The following MDGA2 variants were observed in gnomAD, a reference collection of about 807,000 sequenced individuals.
The protein encoded by MDGA2 is MAM domain-containing glycosylphosphatidylinositol anchor protein 2.
Under a neutral mutation model 117.8 loss-of-function variants are expected in MDGA2, and 40 were observed. That is an observed-to-expected ratio of 0.34 (90% confidence interval 0.26 to 0.44). The LOEUF (loss-of-function observed/expected upper bound fraction) is 0.44, where lower values mean the gene tolerates loss of function less well. Among genes scored for constraint, MDGA2 ranks in the 20% least tolerant of loss-of-function variants. MDGA2 has a pLI of 1.00. For synonymous variants in MDGA2, 452 were observed against 439.0 expected (o/e 1.03, Z -0.37); for missense variants, 1,123 against 1,250.6 (o/e 0.90, Z 1.54).
At chr14:47,022,896 T>C (rs1310942246) in intron 8 of MDGA2, among the ~76,000 whole-genome samples, 3 of 152,246 alleles carry the variant, frequency 2.0e-5, no homozygotes, top group South Asian at 4.1e-4. Flanking sequence ...TCACAGGTGA[T>C]GAGTAGCCAT....
intron 6 of MDGA2, among the ~76,000 whole-genome samples, chr14:47,068,461 T>A (rs1890164086): frequency 6.6e-6 from 1 of 151,140 alleles, no homozygotes; most frequent in Non-Finnish European, 1.5e-5. Context: ...AATGTCTTTA[T>A]CGGTGTCATA....
Position 46,884,974 on chromosome 14 carries a change from G to A in MDGA2, c.2239-2753C>T, listed in dbSNP as rs1248363015. 6.6e-6 allele frequency among the ~76,000 whole-genome samples: 1 copy of A among 151,772 alleles called. No individual in the cohort carries two copies. Among genetic ancestry groups the A allele is most frequent in the African/African-American group, 2.4e-5 (1 of 41,298 alleles). On this transcript the variant is annotated intron_variant, in intron 10 of 16. Transcript: ENST00000399232. This position sits in a 1 kb window ranked among gnomAD's most constrained non-coding sequence, Gnocchi z 4.1. ...CAATTCTCCTGCCTCGGCCCCCTGA[G>A]TAAATGGAATTACAGGCATCCACAA...
At chr14:47,258,595 A>AAATG (rs1403619532) in intron 2 of MDGA2, among the ~76,000 whole-genome samples, 1 of 152,076 alleles carries the variant, frequency 6.6e-6, no homozygotes, top group African/African-American at 2.4e-5. Flanking sequence ...GGAAGTGGGA[A>AAATG]AATGTAGGTT....
At chr14:47,123,461 T>C (rs557654231) in intron 5 of MDGA2, among the ~76,000 whole-genome samples, 1 of 152,160 alleles carries the variant, frequency 6.6e-6, no homozygotes, top group Non-Finnish European at 1.5e-5. Context: ...ATTTCTGAAG[T>C]TACATTAGTG....
intron 1 of MDGA2, among the ~76,000 whole-genome samples, chr14:47,406,160 A>G (rs1419319842): frequency 1.3e-5 from 2 of 152,132 alleles, no homozygotes; most frequent in Non-Finnish European, 2.9e-5. Flanking sequence ...CTGCTGGTAG[A>G]CGTGCAAATT....
At chr14:47,053,318 A>C (rs1889523010) in intron 7 of MDGA2, among the ~76,000 whole-genome samples, 1 of 151,758 alleles carries the variant, frequency 6.6e-6, no homozygotes. Context: ...TCTATGTTTT[A>C]GTTCTGACCT....
At chr14:46,950,478 A>G (rs893911568) in intron 9 of MDGA2, among the ~76,000 whole-genome samples, 1 of 152,006 alleles carries the variant, frequency 6.6e-6, no homozygotes, top group Non-Finnish European at 1.5e-5. Flanking sequence ...CATAGAAGTG[A>G]TATCATTTTC....
At chr14:46,962,575 C>G (rs1180403897) in intron 8 of MDGA2, among the ~76,000 whole-genome samples, 1 of 152,140 alleles carries the variant, frequency 6.6e-6, no homozygotes, top group East Asian at 1.9e-4. Context: ...TTAAATTTGA[C>G]AAAGTATTTT....
At chr14:47,466,518 C>G (rs1159093765) in intron 1 of MDGA2, among the ~76,000 whole-genome samples, 1 of 152,062 alleles carries the variant, frequency 6.6e-6, no homozygotes, top group Non-Finnish European at 1.5e-5. Flanking sequence ...GAAGAAACTT[C>G]TTTTCCAATT....
chr14:47,211,960 A>C (rs1885899607), intron 3 of MDGA2, among the ~76,000 whole-genome samples: 1 of 152,196 alleles, frequency 6.6e-6, no homozygotes, highest in Non-Finnish European at 1.5e-5. Flanking sequence ...GTTTAAACCC[A>C]TTGAAGGTAT....
chr14:47,515,733 G>C (rs965850353), intron 1 of MDGA2, among the ~76,000 whole-genome samples: 1 of 151,996 alleles, frequency 6.6e-6, no homozygotes, highest in Non-Finnish European at 1.5e-5. Context: ...ATAAAAAAAG[G>C]CCCAACTTTG....
At chr14:47,230,376 T>G (rs1306974725) in intron 2 of MDGA2, among the ~76,000 whole-genome samples, 2 of 151,990 alleles carry the variant, frequency 1.3e-5, no homozygotes, top group African/African-American at 2.4e-5. Context: ...CAGGTAAATT[T>G]AGCCAAACTA....
intron 6 of MDGA2, among the ~76,000 whole-genome samples, chr14:47,076,869 G>A (rs962119733): frequency 6.6e-6 from 1 of 151,962 alleles, no homozygotes; most frequent in Non-Finnish European, 1.5e-5. Context: ...ATTATTCATG[G>A]AAACAAAATA....
chr14:47,397,147 A>C (rs1892029910), intron 1 of MDGA2, among the ~76,000 whole-genome samples: 1 of 152,208 alleles, frequency 6.6e-6, no homozygotes. Context: ...AATACTATGC[A>C]GCCAAAAAAA....
intron 3 of MDGA2, among the ~76,000 whole-genome samples, chr14:47,176,971 C>T (rs1222476121): frequency 6.6e-6 from 1 of 151,940 alleles, no homozygotes; most frequent in Non-Finnish European, 1.5e-5. Flanking sequence ...AACAAACAAC[C>T]CCATCAAAAA....
rs570408099 is a variant in MDGA2, at chr14:46,870,310, T to C, written c.2752+3123A>G. 1.1e-4 allele frequency among the ~76,000 whole-genome samples: 17 copies of C among 152,108 alleles called. No individual in the cohort carries two copies. The South Asian group carries it at 3.5e-3, about 31-fold the overall frequency. ...TTATTTACAATTACTCATGAAGTTA[T>C]AAATTTAATTAGGCTATTAGAAATT... On this transcript the variant is annotated intron_variant, in intron 14 of 16. Transcript: ENST00000399232.
chr14:47,025,633 C>G (rs1479367829), intron 8 of MDGA2, among the ~76,000 whole-genome samples: 1 of 151,524 alleles, frequency 6.6e-6, no homozygotes, highest in Admixed American at 6.6e-5. Context: ...GGACATATTA[C>G]TGGAATCTAA....
At chr14:47,050,329 A>C (rs569332284) in intron 7 of MDGA2, among the ~76,000 whole-genome samples, 139 of 152,160 alleles carry the variant, frequency 9.1e-4, no homozygotes, top group African/African-American at 3.2e-3. Context: ...TGAAATACCA[A>C]CTGTAAAGTG....
chr14:47,242,194 T>A (rs1887064346), intron 2 of MDGA2, among the ~76,000 whole-genome samples: 1 of 151,942 alleles, frequency 6.6e-6, no homozygotes, highest in South Asian at 2.1e-4. Context: ...TGCTTTTCAA[T>A]AATTACGTAG....
Sources: allele counts gnomAD v4.1 joint callset (sites outside exome capture counted in the v4.1 genomes callset), GRCh38; gene constraint gnomAD v4.1.1; non-coding constraint Gnocchi (gnomAD v3.1); transcripts MANE v1.5; gene names NCBI Gene and HGNC (gene_info 2026-07-23, HGNC 2026-07-21).